CHLSN: variants seen among roughly 807,000 people sequenced by gnomAD.
CHLSN encodes cholesin.
chr7:1,011,889 G>A, the CHLSN span, among the ~76,000 whole-genome samples: 1 of 152,180 alleles, frequency 6.6e-6, no homozygotes, highest in African/African-American at 2.4e-5. Flanking sequence ...GGGAAGGCCT[G>A]GGCCGCCCAC....
chr7:1,115,701 T>C, the CHLSN span, among the ~76,000 whole-genome samples: 5 of 70,522 alleles, frequency 7.1e-5, no homozygotes, highest in East Asian at 1.8e-3. Context: ...GCAGGATGAC[T>C]TCACTACAGC....
chr7:1,016,701 GCACACGC>G, the CHLSN span, among the ~76,000 whole-genome samples: 100 of 79,684 alleles, frequency 1.3e-3, 3 homozygotes, highest in African/African-American at 6.3e-3. Context: ...GCGCATGCCA[GCACACGC>G]CAGCGCACAG....
the CHLSN span, chr7:1,093,718 C>G: frequency 4.3e-6 from 2 of 465,396 alleles, no homozygotes; most frequent in African/African-American, 4.0e-5. Flanking sequence ...GGGACAACTG[C>G]GGTGATGATG....
chr7:1,057,673 TACACAGCAAGGCCAGCATGACCA>T, the CHLSN span: 1 of 772,706 alleles, frequency 1.3e-6, no homozygotes, highest in Admixed American at 1.7e-5. Flanking sequence ...CTGGCCAACC[TACACAGCAAGGCCAGCATGACCA>T]TGCCGGACGT....
the CHLSN span, among the ~76,000 whole-genome samples, chr7:1,017,808 C>T: frequency 3.3e-5 from 5 of 152,344 alleles, no homozygotes; most frequent in South Asian, 8.3e-4. Context: ...CCCCGCCCCC[C>T]ACTGCACACA....
the CHLSN span, chr7:1,076,258 C>T: frequency 2.5e-5 from 4 of 158,956 alleles, no homozygotes; most frequent in African/African-American, 9.6e-5. Context: ...GGAGCATCGC[C>T]AGGGAGGAGC....
the CHLSN span, among the ~76,000 whole-genome samples, chr7:979,142 A>T: frequency 2.6e-5 from 4 of 152,214 alleles, no homozygotes; most frequent in South Asian, 8.3e-4. Context: ...AGATTCAAGG[A>T]GTCAACTAAA....
chr7:1,041,525 C>A, the CHLSN span, among the ~76,000 whole-genome samples: 1 of 152,224 alleles, frequency 6.6e-6, no homozygotes, highest in African/African-American at 2.4e-5. Context: ...CCACGTTTTA[C>A]TAACACATGC....
At chr7:1,136,517 TAA>T in the CHLSN span, among the ~76,000 whole-genome samples, 5 of 98,382 alleles carry the variant, frequency 5.1e-5, no homozygotes, top group East Asian at 4.5e-4. Context: ...TAAACATATA[TAA>T]ATATATATAA....
the CHLSN span, among the ~76,000 whole-genome samples, chr7:1,012,712 C>T: frequency 3.9e-5 from 6 of 152,258 alleles, no homozygotes; most frequent in Admixed American, 2.6e-4. Flanking sequence ...TGTGCTGGGC[C>T]TCAACAGAAG....
the CHLSN span, among the ~76,000 whole-genome samples, chr7:1,115,383 G>T: frequency 6.6e-6 from 1 of 152,246 alleles, no homozygotes; most frequent in Admixed American, 6.5e-5. Context: ...GCCAGGGGAT[G>T]TTTGCTATTT....
At chr7:1,073,454 G>A in the CHLSN span, among the ~76,000 whole-genome samples, 785 of 152,142 alleles carry the variant, frequency 5.2e-3, 40 homozygotes, top group East Asian at 0.12. Context: ...TAATCCCGCT[G>A]GAATCTGCCA....
At chr7:1,052,419 G>T in the CHLSN span, among the ~76,000 whole-genome samples, 1 of 152,222 alleles carries the variant, frequency 6.6e-6, no homozygotes, top group Admixed American at 6.5e-5. The surrounding 1 kb of genome is among the most constrained non-coding windows in gnomAD (Gnocchi z 4.2). Flanking sequence ...AGGTCTTGAG[G>T]AGTCGTGGGG....
At chr7:1,057,948 C>A in the CHLSN span, 1 of 772,968 alleles carries the variant, frequency 1.3e-6, no homozygotes, top group Admixed American at 1.7e-5. Context: ...GTACAACACG[C>A]GGCACGTGTG....
the CHLSN span, among the ~76,000 whole-genome samples, chr7:1,074,935 G>A: frequency 9.8e-5 from 15 of 152,330 alleles, no homozygotes; most frequent in East Asian, 3.9e-4. Context: ...CAGGACAGAC[G>A]TCCCTCCAGC....
the CHLSN span, chr7:983,238 G>T: frequency 6.5e-7 from 1 of 1,528,140 alleles, no homozygotes; most frequent in Admixed American, 2.0e-5. Context: ...TGCTGTTCCT[G>T]GGCCTCCTGG....
chr7:1,104,480 G>A, the CHLSN span, among the ~76,000 whole-genome samples: 1 of 152,194 alleles, frequency 6.6e-6, no homozygotes, highest in Non-Finnish European at 1.5e-5. Context: ...CCAAGGTGCT[G>A]CACACCCTGA....
At chr7:1,059,135 TC>T in the CHLSN span, 1 of 168,538 alleles carries the variant, frequency 5.9e-6, no homozygotes, top group East Asian at 1.9e-4. Flanking sequence ...CCACCAAATG[TC>T]CCTGACACCC....
chr7:1,017,202 C>A, the CHLSN span, among the ~76,000 whole-genome samples: 1 of 151,796 alleles, frequency 6.6e-6, no homozygotes, highest in Non-Finnish European at 1.5e-5. Flanking sequence ...GAAGTGGTGG[C>A]CGTGCTGCAT....
Sources: allele counts gnomAD v4.1 joint callset (sites outside exome capture counted in the v4.1 genomes callset), GRCh38; gene constraint gnomAD v4.1.1; non-coding constraint Gnocchi (gnomAD v3.1); transcripts MANE v1.5; gene names NCBI Gene and HGNC (gene_info 2026-07-23, HGNC 2026-07-21).